EDIL3: variants seen among roughly 807,000 people sequenced by gnomAD.
EDIL3 encodes the protein EGF like and discoidin domains 3.
A neutral mutation model predicts 67.4 loss-of-function variants in EDIL3; 37 were observed. The observed-to-expected ratio is 0.55, with a 90% confidence interval of 0.42 to 0.72. The LOEUF (loss-of-function observed/expected upper bound fraction) is 0.72. Among genes scored for constraint, EDIL3 ranks in the 30% least tolerant of loss-of-function variants. EDIL3 has a pLI of 0.00. For synonymous variants in EDIL3, 195 were observed against 196.3 expected, an observed-to-expected ratio of 0.99 and a Z score of 0.05; for missense variants, 527 against 586.3, an observed-to-expected ratio of 0.90 and a Z score of 1.04.
At chr5:84,114,677 G>C (rs983664663) in intron 5 of EDIL3, among the ~76,000 whole-genome samples, 8 of 152,110 alleles carry the variant, frequency 5.3e-5, no homozygotes, top group Non-Finnish European at 7.4e-5. Context: ...AAACTTACTT[G>C]GATTCCATAT....
At chr5:83,969,435 ATAG>A (rs1399936615) in intron 9 of EDIL3, among the ~76,000 whole-genome samples, 1 of 151,888 alleles carries the variant, frequency 6.6e-6, no homozygotes, top group East Asian at 1.9e-4. Context: ...CATACAAATA[ATAG>A]TAATTCCTAA....
intron 9 of EDIL3, among the ~76,000 whole-genome samples, chr5:84,003,060 C>G (rs1277240697): frequency 6.6e-6 from 1 of 152,170 alleles, no homozygotes; most frequent in Admixed American, 6.5e-5. Context: ...ATCTTGGCTG[C>G]CACCAGGCTT....
chr5:84,069,852 A>C (rs1322235937), intron 6 of EDIL3, among the ~76,000 whole-genome samples: 1 of 152,016 alleles, frequency 6.6e-6, no homozygotes, highest in Non-Finnish European at 1.5e-5. Context: ...GTGCCTGTAA[A>C]AGCCCCCAGA....
intron 9 of EDIL3, among the ~76,000 whole-genome samples, chr5:84,040,508 T>C (rs960652386): frequency 2.0e-5 from 3 of 147,428 alleles, no homozygotes; most frequent in Admixed American, 1.4e-4. Context: ...TATATATAGA[T>C]ATATAATTAT....
Position 84,001,039 on chromosome 5 carries a change from C to A in EDIL3, c.1138-37679G>T, listed in dbSNP as rs529820418. On this transcript the variant is annotated intron_variant, in intron 9 of 10. Coordinates refer to ENST00000296591, the MANE Select transcript of EDIL3 (RefSeq NM_005711.5). Reference sequence around the variant, plus strand: ...CACTTACATCAAAAAAGCAGAAAAACCACATTTTTATTTTTATTTATTTAT... The same window carrying A: ...CACTTACATCAAAAAAGCAGAAAAAACACATTTTTATTTTTATTTATTTAT... Among the ~76,000 whole-genome samples the A allele has an allele frequency of 2.6e-4, 40 of 151,706 alleles. No homozygotes were observed. In the South Asian group the frequency reaches 5.0e-3, roughly 19 times the overall value.
At chr5:84,071,692 G>T (rs910741530) in intron 6 of EDIL3, among the ~76,000 whole-genome samples, 2 of 152,168 alleles carry the variant, frequency 1.3e-5, no homozygotes, top group African/African-American at 4.8e-5. Flanking sequence ...TTCTCATATT[G>T]GGAGATGATG....
chr5:84,220,617 AG>A (rs1218956791), intron 3 of EDIL3, among the ~76,000 whole-genome samples: 2 of 152,182 alleles, frequency 1.3e-5, no homozygotes, highest in Non-Finnish European at 2.9e-5. Context: ...TTGGTGACCT[AG>A]TATGCATTTC....
intron 1 of EDIL3, among the ~76,000 whole-genome samples, chr5:84,260,343 T>C (rs1300193523): frequency 6.6e-6 from 1 of 152,150 alleles, no homozygotes; most frequent in Non-Finnish European, 1.5e-5. Context: ...GAACAGGAAG[T>C]GGTCAGCCCT....
chr5:84,009,551 T>A (rs1413358393), intron 9 of EDIL3, among the ~76,000 whole-genome samples: 1 of 152,232 alleles, frequency 6.6e-6, no homozygotes, highest in Non-Finnish European at 1.5e-5. Flanking sequence ...GCTAACATTA[T>A]TGTCAGGCAA....
At chr5:84,207,945 G>T (rs1418348589) in intron 3 of EDIL3, among the ~76,000 whole-genome samples, 16 of 152,054 alleles carry the variant, frequency 1.1e-4, no homozygotes, top group South Asian at 2.1e-4. Flanking sequence ...ATAAAAACCC[G>T]AGAAGAAAAC....
chr5:84,047,022 T>G (rs548770459), intron 9 of EDIL3, among the ~76,000 whole-genome samples: 7 of 152,284 alleles, frequency 4.6e-5, no homozygotes, highest in Admixed American at 2.0e-4. Flanking sequence ...TGTCTTTCAG[T>G]TCCTTGCACC....
intron 9 of EDIL3, among the ~76,000 whole-genome samples, chr5:84,020,649 T>C (rs1284626334): frequency 6.6e-6 from 1 of 151,952 alleles, no homozygotes; most frequent in African/African-American, 2.4e-5. Context: ...ACTTTGGTAT[T>C]GAGATCTATT....
chr5:83,971,188 A>G (rs1744784865), intron 9 of EDIL3, among the ~76,000 whole-genome samples: 2 of 151,724 alleles, frequency 1.3e-5, no homozygotes, highest in Admixed American at 1.3e-4. Context: ...GAAATTGGAA[A>G]AATATAGCAC....
chr5:84,139,270 T>C (rs1048538004), intron 4 of EDIL3, among the ~76,000 whole-genome samples: 1 of 149,426 alleles, frequency 6.7e-6, no homozygotes. Context: ...TCCTAAATAT[T>C]TGATACTGAA....
chr5:84,134,279 G>T lies in EDIL3; in HGVS notation c.469+2962C>A, dbSNP rs575540549. Reference sequence around the variant, plus strand: ...AATATATTTGAGTTTTTAAAATGTGGTATATCACTAGTTTTGAAAATATTT... The same window carrying T: ...AATATATTTGAGTTTTTAAAATGTGTTATATCACTAGTTTTGAAAATATTT... On this transcript the variant is annotated intron_variant, in intron 5 of 10. Transcript: ENST00000296591. Among the ~76,000 whole-genome samples the T allele has an allele frequency of 4.2e-3, 641 of 152,100 alleles. 2 individuals are homozygous for T. The highest frequency in any genetic ancestry group is 7.3e-3 in the Non-Finnish European group (494 of 67,986).
chr5:84,348,684 T>C (rs545314567), intron 1 of EDIL3, among the ~76,000 whole-genome samples: 1 of 152,166 alleles, frequency 6.6e-6, no homozygotes, highest in Admixed American at 6.5e-5. Flanking sequence ...TGAAACATAT[T>C]AGTGACTTTC....
intron 3 of EDIL3, among the ~76,000 whole-genome samples, chr5:84,227,852 C>A (rs1305196324): frequency 6.6e-6 from 1 of 151,998 alleles, no homozygotes; most frequent in Non-Finnish European, 1.5e-5. Context: ...TTCTCACTTA[C>A]AAGTGGTAGC....
intron 9 of EDIL3, among the ~76,000 whole-genome samples, chr5:83,970,111 T>G (rs1580258175): frequency 6.6e-6 from 1 of 151,680 alleles, no homozygotes; most frequent in East Asian, 1.9e-4. Context: ...ATCAACTTTT[T>G]TTAGCTTCTA....
In EDIL3 at chr5:84,072,870, A is replaced by G. The variant is rs73769723; in HGVS notation, c.652-6264T>C. Among the ~76,000 whole-genome samples, 1,116 of 152,270 alleles carry G rather than the reference A, an allele frequency of 7.3e-3. 18 individuals carry two copies. Among genetic ancestry groups the G allele is most frequent in the African/African-American group, 0.026 (1,067 of 41,548 alleles). ...GGAGGGATGGTGGAGGGAGAGAGAG[A>G]GATCTTAGCATAATGCTGTGGAAAG... On this transcript the variant is annotated intron_variant, in intron 6 of 10. Transcript: ENST00000296591.
Sources: gnomAD v4.1 joint callset for allele counts (sites outside exome capture counted in the v4.1 genomes callset) on GRCh38, gnomAD v4.1.1 for gene constraint, MANE v1.5 for transcripts, NCBI Gene and HGNC (gene_info 2026-07-23, HGNC 2026-07-21) for gene names.